Variants in GRIK5 observed in about 807,000 individuals in gnomAD.
GRIK5 encodes glutamate receptor ionotropic, kainate 5.
In GRIK5, 43 loss-of-function variants were observed where a neutral mutation model predicts 97.4. That is an observed-to-expected ratio of 0.44 (90% CI 0.35 to 0.57). The LOEUF (loss-of-function observed/expected upper bound fraction) is 0.57. GRIK5 is among the 20% of genes least tolerant of loss of function. The pLI is 0.01. For missense variants in GRIK5, 1,015 were observed against 1,382.0 expected (o/e 0.73, Z 4.21); for synonymous variants, 580 against 583.5 (o/e 0.99, Z 0.09).
chr19:41,998,971 C>A lies in GRIK5; in HGVS notation c.2843G>T (p.Gly948Val). The A allele has an allele frequency of 8.5e-7, 1 of 1,171,116 alleles. No individual in the cohort carries two copies. The highest frequency in any genetic ancestry group is 3.0e-5 in the South Asian group (1 of 33,814). 72.5% of individuals were successfully genotyped at this position (1,171,116 alleles called of 1,614,324 possible). ...RIQALRASGA[G>V]APPRGLGVPA... The stretch of plus-strand genomic sequence containing the variant: ...GACGCCCAGGCCACGCGGAGGCGCG[C>A]CGGCCCCCGAGGCCCGCAGCGCCTG... Residue 948 changes from glycine to valine, a missense_variant, in exon 20 of 20, where the codon GGC becomes GTC. Gly to Val is a moderately radical substitution (Grantham distance 109). Around this residue, in one of 5 missense-constraint regions of GRIK5, gnomAD observed 109 missense variants for 100.4 expected, o/e 1.09. Transcript: ENST00000593562.
At chr19:42,044,397 C>G (rs1479195783) in intron 11 of GRIK5, among the ~76,000 whole-genome samples, 2 of 152,198 alleles carry the variant, frequency 1.3e-5, no homozygotes, top group African/African-American at 4.8e-5. Context: ...CAATCTCTGA[C>G]CTACAGTCAG....
At position 42,007,091 on chromosome 19, in the gene GRIK5, T is replaced by A. The variant is rs2075501242; in HGVS notation, c.1872-281A>T. 2.0e-5 allele frequency among the ~76,000 whole-genome samples: 3 copies of A among 151,820 alleles called. No homozygotes were observed. The South Asian group carries it at 6.2e-4, about 32-fold the overall frequency. On this transcript the variant is annotated intron_variant, in intron 15 of 19. Coordinates refer to ENST00000593562, the MANE Select transcript of GRIK5 (RefSeq NM_002088.5). ...AAGAGCTGGATAGAATACAGGAAAC[T>A]TTTTTCTTTTTTTTTTTTTTTTGAG...
Position 42,056,711 on chromosome 19 carries a change from T to C in GRIK5, c.854A>G (p.Asn285Ser), listed in dbSNP as rs1231558007. 2 of 1,614,112 alleles carry C rather than the reference T, an allele frequency of 1.2e-6. No homozygotes were observed. The highest frequency in any genetic ancestry group is 1.7e-5 in the Admixed American group (1 of 60,024). ...TTCACAGTTCTCCCTCCAGGACATG[T>C]TGAGGCTGCGGACAAACTCAGGGTA... is the stretch of plus-strand genomic sequence containing the variant. Reference protein sequence around the residue: ...PFYPEFVRSLNMSWRENCEAS... With the variant: ...PFYPEFVRSLSMSWRENCEAS... Residue 285 changes from asparagine to serine, a missense_variant, in exon 8 of 20, where the codon AAC becomes AGC. Physicochemically the swap from Asn to Ser is conservative, Grantham distance 46. Transcript: ENST00000593562.
chr19:42,002,485 T>C lies in GRIK5; in HGVS notation c.2514+847A>G, dbSNP rs1260319424. 1.4e-6 allele frequency: 1 copy of C among 716,954 alleles called. No individual in the cohort carries two copies. Among genetic ancestry groups the C allele is most frequent in the Non-Finnish European group, 2.6e-6 (1 of 384,664 alleles). 44.4% of individuals were successfully genotyped at this position (716,954 alleles called of 1,614,324 possible). On this transcript the variant is annotated intron_variant, in intron 19 of 19. Transcript: ENST00000593562. The surrounding 1 kb of genome is among the most constrained non-coding windows in gnomAD (Gnocchi z 5.2). ...CTTTACTAGCAGCATGGACGGCTCCTTCAGAGGAGTCCTTGGGCCAAGTGC... is the reference window on the plus strand; with the variant it reads ...CTTTACTAGCAGCATGGACGGCTCCCTCAGAGGAGTCCTTGGGCCAAGTGC...
intron 6 of GRIK5, among the ~76,000 whole-genome samples, chr19:42,058,591 G>A (rs191905629): frequency 2.0e-5 from 3 of 150,604 alleles, no homozygotes; most frequent in East Asian, 3.9e-4. Flanking sequence ...ACTTTGGGAG[G>A]CTGAGGCAGG....
Position 42,003,266 on chromosome 19 carries a change from A to G in GRIK5, c.2514+66T>C. 6.7e-7 allele frequency: 1 copy of G among 1,486,680 alleles called. No individual in the cohort carries two copies. The highest frequency in any genetic ancestry group is 9.3e-7 in the Non-Finnish European group (1 of 1,080,762). The allele number at this position is 1,486,680 out of a possible 1,614,324, so 92.1% of individuals were successfully genotyped here. A position where few individuals can be genotyped will look rare whatever the true frequency, so the allele number is the denominator to read the frequency against. ...CTCCAGGTATGGCTCCCAATGCCACAATCTTCACGCACCTCAGCCCCTGGG... is the reference window on the plus strand; with the variant it reads ...CTCCAGGTATGGCTCCCAATGCCACGATCTTCACGCACCTCAGCCCCTGGG... On this transcript the variant is annotated intron_variant, in intron 19 of 19. Transcript: ENST00000593562. The surrounding 1 kb of genome is among the most constrained non-coding windows in gnomAD (Gnocchi z 4.2).
In GRIK5 at chr19:42,042,589, C is replaced by G; in HGVS notation, c.1436G>C (p.Gly479Ala). Residue 479 changes from glycine to alanine, a missense_variant, in exon 12 of 20, where the codon GGC becomes GCC. By Grantham distance (60) the Gly-to-Ala change is moderately conservative. This residue lies in a region of GRIK5 where 477 missense variants were observed against 701.1 expected (regional missense o/e 0.68). Transcript: ENST00000593562. This position sits in a 1 kb window ranked among gnomAD's most constrained non-coding sequence, Gnocchi z 6.9. ...CTCGCCAACCATGCCCGTCCAGGAGCCGTTGGGCTCGGGCGCCCCGTACAG... is the reference window on the plus strand; with the variant it reads ...CTCGCCAACCATGCCCGTCCAGGAGGCGTTGGGCTCGGGCGCCCCGTACAG... ...DGLYGAPEPN[G>A]SWTGMVGELI... The G allele has an allele frequency of 6.2e-7, 1 of 1,612,088 alleles. No individual in the cohort carries two copies. The highest frequency in any genetic ancestry group is 8.5e-7 in the Non-Finnish European group (1 of 1,179,860).
chr19:42,059,605 A>C, intron 5 of GRIK5, 78 bp from the exon 6 acceptor site: 2 of 1,256,108 alleles, frequency 1.6e-6, no homozygotes, highest in Non-Finnish European at 2.3e-6. Context: ...CCTCCTCAAC[A>C]TGGGGCAGCT....
At chr19:42,051,339 G>A (rs1352927245) in intron 11 of GRIK5, among the ~76,000 whole-genome samples, 7 of 152,032 alleles carry the variant, frequency 4.6e-5, no homozygotes, top group Non-Finnish European at 1.0e-4. Context: ...CAGGGGCAGC[G>A]CCAGCCTGCA....
At position 42,042,118 on chromosome 19, in the gene GRIK5, A is replaced by G. The variant is rs2075984684; in HGVS notation, c.1473+434T>C. Among the ~76,000 whole-genome samples the G allele has an allele frequency of 6.6e-6, 1 of 152,142 alleles. No homozygotes were observed. The highest frequency in any genetic ancestry group is 2.4e-5 in the African/African-American group (1 of 41,456). On this transcript the variant is annotated intron_variant, in intron 12 of 19. Coordinates refer to ENST00000593562, the MANE Select transcript of GRIK5 (RefSeq NM_002088.5). This position sits in a 1 kb window ranked among gnomAD's most constrained non-coding sequence, Gnocchi z 6.9. ...CTACATGCAGCCCTCCAGGTCCATG[A>G]TGTGCCAGGCCCTCCCTAGCAGGTG...
At chr19:42,045,713 T>C (rs905061306) in intron 11 of GRIK5, among the ~76,000 whole-genome samples, 6 of 152,158 alleles carry the variant, frequency 3.9e-5, no homozygotes, top group South Asian at 2.1e-4. Context: ...GGAACAAGAA[T>C]GTGAGATAAT....
In GRIK5 at chr19:41,999,306, G is replaced by A. The variant is rs1439860527; in HGVS notation, c.2515-7C>T. 17 of 1,510,286 alleles carry A rather than the reference G, an allele frequency of 1.1e-5. No individual in the cohort carries two copies. The highest frequency in any genetic ancestry group is 5.8e-5 in the African/African-American group (4 of 69,428). 93.6% of individuals were successfully genotyped at this position (1,510,286 alleles called of 1,614,324 possible). ...TCTCCTGGCACACCGACACCTGGGG[G>A]TGGCGCGGGCGGTCACCGTCCCGGC... On this transcript the variant is annotated splice_region_variant and splice_polypyrimidine_tract_variant and intron_variant, in intron 19 of 19. Coordinates refer to ENST00000593562, the MANE Select transcript of GRIK5 (RefSeq NM_002088.5). This position sits in a 1 kb window ranked among gnomAD's most constrained non-coding sequence, Gnocchi z 5.0.
rs1294306908 is a variant in GRIK5 at position 42,053,890 on chromosome 19, T to C, written c.1096A>G (p.Ser366Gly). ...GTGTAGTTGGTTCTCTGCCCTTTGC[T>C]GTTGAACTCGACCCGCCCGGTCAGC... ...DGLTGRVEFN[S>G]KGQRTNYTLR... is the part of the protein sequence containing the mutation. The change falls in exon 10 of 20, where the codon AGC becomes GGC. Residue 366 changes from serine (S) to glycine (G), a missense_variant. Physicochemically the swap from Ser to Gly is moderately conservative, Grantham distance 56. This residue lies in a region of GRIK5 where 477 missense variants were observed against 701.1 expected (regional missense o/e 0.68). Transcript: ENST00000593562. 1.2e-6 allele frequency: 2 copies of C among 1,614,014 alleles called. No homozygotes were observed. Among genetic ancestry groups the C allele is most frequent in the East Asian group, 4.5e-5 (2 of 44,858 alleles).
chr19:42,031,073 GT>G (rs2075835565), intron 12 of GRIK5, among the ~76,000 whole-genome samples: 2 of 152,232 alleles, frequency 1.3e-5, no homozygotes, highest in African/African-American at 4.8e-5. Context: ...TGCCAGGTTA[GT>G]AGCTCACACC....
In GRIK5 at chr19:42,054,318, A is replaced by G; in HGVS notation, c.1056+2T>C. 6.2e-7 allele frequency: 1 copy of G among 1,606,584 alleles called. No homozygotes were observed. The highest frequency in any genetic ancestry group is 8.5e-7 in the Non-Finnish European group (1 of 1,175,466). On this transcript the variant is annotated splice_donor_variant, in intron 9 of 19. Transcript: ENST00000593562. LOFTEE classifies it high-confidence loss of function. Reference sequence around the variant, plus strand: ...CCTCCACCCATCCCCGCTCGGGCTCACCATGCGCAGGTAGTTCATGAGGCT... The same window carrying G: ...CCTCCACCCATCCCCGCTCGGGCTCGCCATGCGCAGGTAGTTCATGAGGCT...
chr19:42,041,125 C>T (rs964748496), intron 12 of GRIK5, among the ~76,000 whole-genome samples: 4 of 152,282 alleles, frequency 2.6e-5, no homozygotes, highest in Middle Eastern at 3.4e-3. Context: ...AGTCAGTGCC[C>T]TAAGGGATAA....
Position 42,003,395 on chromosome 19 carries a change from A to T in GRIK5, c.2451T>A (p.Ile817=), listed in dbSNP as rs959561643. 4.3e-6 allele frequency: 7 copies of T among 1,613,524 alleles called. No homozygotes were observed. The highest frequency in any genetic ancestry group is 5.9e-6 in the Non-Finnish European group (7 of 1,179,612). Residue 817 remains isoleucine, a synonymous_variant, in exon 19 of 20, where the codon ATT becomes ATA. Coordinates refer to ENST00000593562, the MANE Select transcript of GRIK5 (RefSeq NM_002088.5). This position sits in a 1 kb window ranked among gnomAD's most constrained non-coding sequence, Gnocchi z 4.2. The part of the protein sequence containing the change: ...IFIVLICGLI[I]AVFVAVMEFI... ...ATTCCATGACCGCCACGAAGACAGCAATGATGAGGCCACAGATGAGCACGA... is the reference window on the plus strand; with the variant it reads ...ATTCCATGACCGCCACGAAGACAGCTATGATGAGGCCACAGATGAGCACGA...
In GRIK5 at chr19:42,002,987, C is replaced by T. The variant is rs1042794079; in HGVS notation, c.2514+345G>A. On this transcript the variant is annotated intron_variant, in intron 19 of 19. Coordinates refer to ENST00000593562, the MANE Select transcript of GRIK5 (RefSeq NM_002088.5). The surrounding 1 kb of genome is among the most constrained non-coding windows in gnomAD (Gnocchi z 5.2). ...CTGACCTCAGGTGATCCGCCAGCCT[C>T]GGCCTCCCAAAGTGCTGGGATTACA... 2.0e-5 allele frequency among the ~76,000 whole-genome samples: 3 copies of T among 152,106 alleles called. No homozygotes were observed. Among genetic ancestry groups the T allele is most frequent in the Admixed American group, 6.5e-5 (1 of 15,270 alleles).
intron 1 of GRIK5, among the ~76,000 whole-genome samples, chr19:42,066,264 T>C (rs2076330885): frequency 6.6e-6 from 1 of 151,822 alleles, no homozygotes; most frequent in African/African-American, 2.4e-5. Flanking sequence ...CGGTGGTTGC[T>C]AGGCAACCCC....
Sources: gnomAD v4.1 joint callset for allele counts (sites outside exome capture counted in the v4.1 genomes callset) on GRCh38, gnomAD v4.1.1 for gene constraint, gnomAD v4.1.1 regional missense constraint, Gnocchi (gnomAD v3.1) non-coding constraint, MANE v1.5 for transcripts, NCBI Gene and HGNC (gene_info 2026-07-23, HGNC 2026-07-21) for gene names.